Variants in STXBP4 observed in about 807,000 individuals in gnomAD.
STXBP4 encodes the protein syntaxin-binding protein 4.
A neutral mutation model predicts 76.1 loss-of-function variants in STXBP4; 55 were observed. That is an observed-to-expected ratio of 0.72 (90% CI 0.58 to 0.91). STXBP4 has a LOEUF of 0.91. Among genes scored for constraint, STXBP4 ranks in the 40% least tolerant of loss-of-function variants. The pLI is 0.00. For missense variants in STXBP4, 618 were observed against 636.9 expected (o/e 0.97, Z 0.32); for synonymous variants, 201 against 220.2 (o/e 0.91, Z 0.77).
chr17:55,008,898 T>G (rs1233950918), intron 8 of STXBP4, among the ~76,000 whole-genome samples: 1 of 152,192 alleles, frequency 6.6e-6, no homozygotes, highest in Non-Finnish European at 1.5e-5. Context: ...CAAAGTGCCA[T>G]ACTTTGAGGC....
intron 10 of STXBP4, among the ~76,000 whole-genome samples, chr17:55,042,241 T>A (rs2078712883): frequency 6.6e-6 from 1 of 152,180 alleles, no homozygotes; most frequent in Non-Finnish European, 1.5e-5. Flanking sequence ...TTTGTGGGAC[T>A]CTTGGAATGG....
chr17:55,059,876 A>G (rs1422750537), intron 12 of STXBP4, among the ~76,000 whole-genome samples: 2 of 152,144 alleles, frequency 1.3e-5, no homozygotes, highest in African/African-American at 4.8e-5. Context: ...GATAAAGTCC[A>G]CCAGATTTAA....
At chr17:55,036,522 G>C (rs2144707802) in intron 10 of STXBP4, among the ~76,000 whole-genome samples, 1 of 151,420 alleles carries the variant, frequency 6.6e-6, no homozygotes, top group South Asian at 2.1e-4. Context: ...TTACAACCTT[G>C]TTATACCCAT....
intron 12 of STXBP4, among the ~76,000 whole-genome samples, chr17:55,052,710 A>G (rs2078873628): frequency 6.6e-6 from 1 of 152,038 alleles, no homozygotes; most frequent in Non-Finnish European, 1.5e-5. Flanking sequence ...ATGTTGCTAA[A>G]TGTGCTAAAT....
At chr17:55,208,522 AC>A in the STXBP4 span, among the ~76,000 whole-genome samples, 4 of 107,944 alleles carry the variant, frequency 3.7e-5, no homozygotes, top group Admixed American at 1.1e-4. Context: ...CACAAAGGTC[AC>A]CCTGTTGGTG....
intron 12 of STXBP4, among the ~76,000 whole-genome samples, chr17:55,065,496 G>C (rs1248309889): frequency 6.6e-6 from 1 of 152,034 alleles, no homozygotes; most frequent in South Asian, 2.1e-4. Flanking sequence ...TTAACACCCC[G>C]GAAGTTGCTT....
At position 55,169,742 on chromosome 17, in the gene STXBP4, T is replaced by A. The variant is rs2080396043; in HGVS notation, c.*9831T>A. 1 of 152,236 alleles carries A rather than the reference T, an allele frequency of 6.6e-6. No homozygotes were observed. The highest frequency in any genetic ancestry group is 6.5e-5 in the Admixed American group (1 of 15,286). The allele number at this position is 152,236 out of a possible 1,614,324, so 9.4% of individuals were successfully genotyped here. ...AAAATTATTTCAATCAAAATTGTGTTAAAAGCTATTTCTAAAAACCCTAAC... is the reference window on the plus strand; with the variant it reads ...AAAATTATTTCAATCAAAATTGTGTAAAAAGCTATTTCTAAAAACCCTAAC... On this transcript the variant is annotated 3_prime_UTR_variant, in exon 18 of 18. Coordinates refer to ENST00000376352, the MANE Select transcript of STXBP4 (RefSeq NM_178509.6).
At chr17:55,031,052 TC>T in intron 8 of STXBP4, 115 bp from the exon 9 acceptor site, 1 of 725,546 alleles carries the variant, frequency 1.4e-6, no homozygotes, top group Non-Finnish European at 2.3e-6. Context: ...GGGTGTTTAA[TC>T]CTGGTCGACT....
chr17:54,994,107 C>A lies in STXBP4; in HGVS notation c.180+3150C>A, dbSNP rs186425017. On this transcript the variant is annotated intron_variant, in intron 4 of 17. Coordinates refer to ENST00000376352, the MANE Select transcript of STXBP4 (RefSeq NM_178509.6). ...TCAGTTCAAGCAGAACCAAGATTCC[C>A]TCAGCTCTAAGAGCTAGAGGCACCC... 4.3e-4 allele frequency among the ~76,000 whole-genome samples: 66 copies of A among 152,284 alleles called. 1 individual carries two copies. Among genetic ancestry groups the A allele is most frequent in the Admixed American group, 2.5e-3 (38 of 15,304 alleles).
chr17:54,973,369 C>A (rs1244851102), intron 1 of STXBP4, among the ~76,000 whole-genome samples: 1 of 152,172 alleles, frequency 6.6e-6, no homozygotes, highest in East Asian at 1.9e-4. Flanking sequence ...TATTTCTTTA[C>A]TTTTGTCTCA....
In STXBP4 at chr17:55,160,995, C is replaced by T. The variant is rs1169533981; in HGVS notation, c.*1084C>T. The T allele has an allele frequency of 1.3e-5, 2 of 152,156 alleles. No homozygotes were observed. Among genetic ancestry groups the T allele is most frequent in the Admixed American group, 1.3e-4 (2 of 15,282 alleles). 9.4% of individuals were successfully genotyped at this position (152,156 alleles called of 1,614,324 possible). A position where few individuals can be genotyped will look rare whatever the true frequency, so the allele number is the denominator to read the frequency against. ...TAAAACATTACTGCTCTACTCGAAACAAGATGGAAGCCTAAAGCCCAAGTC... is the reference window on the plus strand; with the variant it reads ...TAAAACATTACTGCTCTACTCGAAATAAGATGGAAGCCTAAAGCCCAAGTC... On this transcript the variant is annotated 3_prime_UTR_variant, in exon 18 of 18. Transcript: ENST00000376352.
At chr17:55,030,963 G>A in intron 8 of STXBP4, 2 of 460,146 alleles carry the variant, frequency 4.3e-6, no homozygotes, top group Non-Finnish European at 4.0e-6. Context: ...TGCTAGTCTT[G>A]GGGAAAAAAT....
chr17:55,100,436 C>T (rs1204643039), intron 16 of STXBP4, among the ~76,000 whole-genome samples: 2 of 152,126 alleles, frequency 1.3e-5, no homozygotes, highest in Non-Finnish European at 2.9e-5. Flanking sequence ...TCAAGTAAAT[C>T]AAGGGAAGCT....
chr17:55,064,471 A>G (rs969119026), intron 12 of STXBP4, among the ~76,000 whole-genome samples: 1 of 152,054 alleles, frequency 6.6e-6, no homozygotes, highest in African/African-American at 2.4e-5. Flanking sequence ...ATTCTGGGGC[A>G]TATTTCCCTC....
chr17:55,136,883 C>T (rs2080034613), intron 16 of STXBP4, among the ~76,000 whole-genome samples: 2 of 152,102 alleles, frequency 1.3e-5, no homozygotes, highest in Admixed American at 6.6e-5. Context: ...CTATGTTAGG[C>T]ATCCAAAATA....
chr17:55,090,668 C>T (rs1438680743), intron 16 of STXBP4, among the ~76,000 whole-genome samples: 1 of 152,022 alleles, frequency 6.6e-6, no homozygotes, highest in Non-Finnish European at 1.5e-5. Context: ...CTCTTATAAA[C>T]AAATGCATAC....
At chr17:55,099,284 A>G (rs2079535443) in intron 16 of STXBP4, among the ~76,000 whole-genome samples, 1 of 152,258 alleles carries the variant, frequency 6.6e-6, no homozygotes. Flanking sequence ...ATACCCATTT[A>G]TATGCATAAA....
chr17:55,192,968 T>C, the STXBP4 span, among the ~76,000 whole-genome samples: 1 of 152,216 alleles, frequency 6.6e-6, no homozygotes, highest in African/African-American at 2.4e-5. Context: ...GCGATCTCTC[T>C]GACTGCAAAT....
chr17:55,132,762 G>A (rs1014617770), intron 16 of STXBP4, among the ~76,000 whole-genome samples: 3 of 152,126 alleles, frequency 2.0e-5, no homozygotes, highest in Non-Finnish European at 4.4e-5. Context: ...TCAGAGGCTG[G>A]AGAAGAAGGG....
Sources: gnomAD v4.1 joint callset for allele counts (sites outside exome capture counted in the v4.1 genomes callset) on GRCh38, gnomAD v4.1.1 for gene constraint, MANE v1.5 for transcripts, NCBI Gene and HGNC (gene_info 2026-07-23, HGNC 2026-07-21) for gene names.